The following CHST9 variants were observed in gnomAD, a reference collection of about 807,000 sequenced individuals.
The protein encoded by CHST9 is carbohydrate sulfotransferase 9.
Under a neutral mutation model 44.4 loss-of-function variants are expected in CHST9, and 41 were observed. The ratio of observed to expected loss-of-function variants is 0.92; its 90% CI spans 0.72 to 1.20. The LOEUF (loss-of-function observed/expected upper bound fraction) is 1.20, where lower values mean the gene tolerates loss of function less well. CHST9 is among the 50% of genes most tolerant of loss of function. CHST9 has a pLI of 0.00. For synonymous variants in CHST9, 171 were observed against 178.4 expected (o/e 0.96, Z 0.33); for missense variants, 504 against 516.5 (o/e 0.98, Z 0.23).
intron 4 of CHST9, among the ~76,000 whole-genome samples, chr18:26,988,112 T>C (rs2056775579): frequency 6.6e-6 from 1 of 151,884 alleles, no homozygotes; most frequent in African/African-American, 2.4e-5. Context: ...AAAAAATCGA[T>C]TAATCCAAAA....
intron 1 of CHST9, among the ~76,000 whole-genome samples, chr18:27,166,833 T>C (rs888463327): frequency 9.2e-5 from 14 of 152,194 alleles, no homozygotes; most frequent in African/African-American, 3.4e-4. Flanking sequence ...ATTTATTTAA[T>C]ATAAGTTTTA....
At chr18:27,063,845 A>T (rs1352465484) in intron 2 of CHST9, among the ~76,000 whole-genome samples, 1 of 141,616 alleles carries the variant, frequency 7.1e-6, no homozygotes, top group Non-Finnish European at 1.6e-5. Context: ...CAGTTGAGCC[A>T]GTTGTATTCA....
chr18:27,013,695 T>C (rs2057113003), intron 4 of CHST9, among the ~76,000 whole-genome samples: 1 of 152,234 alleles, frequency 6.6e-6, no homozygotes, highest in African/African-American at 2.4e-5. Flanking sequence ...CAGCAGGTGT[T>C]GTTTTGTATT....
chr18:27,011,073 G>T (rs1782890418), intron 4 of CHST9, among the ~76,000 whole-genome samples: 2 of 152,156 alleles, frequency 1.3e-5, no homozygotes, highest in Admixed American at 1.3e-4. Flanking sequence ...CCCTGGCATG[G>T]AGATTAACAA....
chr18:26,957,287 TTC>T (rs1225472577), intron 4 of CHST9, among the ~76,000 whole-genome samples: 3 of 152,206 alleles, frequency 2.0e-5, no homozygotes, highest in Non-Finnish European at 2.9e-5. Context: ...CTATACTTCA[TTC>T]TCTGTCAAAC....
In CHST9 at chr18:26,916,366, C is replaced by A; in HGVS notation, c.1225G>T (p.Val409Phe). Residue 409 changes from valine (V) to phenylalanine (F), a missense_variant, in exon 6 of 6, where the codon GTC becomes TTC. Transcript: ENST00000618847. ...AGATCCTTTAAATACTGTCTCACGA[C>A]TTGAGCATTGGTTCTTTCATCGGAA... ...HSSDERTNAQ[V>F]VRQYLKDLTR... 3 of 1,613,742 alleles carry A rather than the reference C, an allele frequency of 1.9e-6. No homozygotes were observed. Among genetic ancestry groups the A allele is most frequent in the Non-Finnish European group, 1.7e-6 (2 of 1,179,696 alleles).
intron 4 of CHST9, among the ~76,000 whole-genome samples, chr18:26,965,666 T>C (rs1240318368): frequency 6.6e-6 from 1 of 152,230 alleles, no homozygotes; most frequent in African/African-American, 2.4e-5. Context: ...ACTAAATGAA[T>C]AATGTGTGCC....
intron 4 of CHST9, among the ~76,000 whole-genome samples, chr18:27,002,215 T>C (rs917616334): frequency 1.3e-5 from 2 of 150,500 alleles, no homozygotes; most frequent in Non-Finnish European, 2.9e-5. Flanking sequence ...CCTGGAGGCC[T>C]GCACCATCCT....
At chr18:27,033,511 G>C (rs149660501) in intron 3 of CHST9, among the ~76,000 whole-genome samples, 29 of 152,232 alleles carry the variant, frequency 1.9e-4, no homozygotes, top group African/African-American at 7.0e-4. Flanking sequence ...AGCTACTTCT[G>C]ATAAAATGAT....
intron 2 of CHST9, among the ~76,000 whole-genome samples, chr18:27,103,995 A>G (rs971421867): frequency 3.9e-5 from 6 of 152,142 alleles, no homozygotes; most frequent in African/African-American, 1.4e-4. Context: ...ATTTTAATAA[A>G]CTCTAAATGC....
At chr18:27,141,884 G>A (rs1327727424) in intron 2 of CHST9, among the ~76,000 whole-genome samples, 3 of 151,980 alleles carry the variant, frequency 2.0e-5, no homozygotes, top group Non-Finnish European at 2.9e-5. Flanking sequence ...CACAAGATCT[G>A]TATGTATACA....
At chr18:27,169,568 AT>A (rs2058817755) in intron 1 of CHST9, among the ~76,000 whole-genome samples, 1 of 138,160 alleles carries the variant, frequency 7.2e-6, no homozygotes, top group African/African-American at 2.7e-5. Flanking sequence ...ATAGTACACT[AT>A]TTCCAAAATG....
chr18:27,161,891 T>C (rs1327630791), intron 1 of CHST9, among the ~76,000 whole-genome samples: 2 of 152,026 alleles, frequency 1.3e-5, no homozygotes, highest in Non-Finnish European at 2.9e-5. Context: ...TTGATCTTTG[T>C]TGGTTTAAAG....
At chr18:27,162,374 G>A (rs2058754547) in intron 1 of CHST9, among the ~76,000 whole-genome samples, 2 of 151,954 alleles carry the variant, frequency 1.3e-5, no homozygotes, top group South Asian at 4.2e-4. Context: ...ATGAAGCTTA[G>A]TTTGGCTGGA....
intron 3 of CHST9, among the ~76,000 whole-genome samples, chr18:27,047,388 T>TTGTGTG (rs55698484): frequency 0.036 from 5,197 of 145,586 alleles, 99 homozygotes; most frequent in Non-Finnish European, 0.049. Context: ...GCCTTCATAA[T>TTGTGTG]TGTGTGTGTG....
intron 2 of CHST9, among the ~76,000 whole-genome samples, chr18:27,118,865 T>C (rs2058351024): frequency 6.6e-6 from 1 of 152,218 alleles, no homozygotes; most frequent in Admixed American, 6.5e-5. Context: ...CGTATGCAAA[T>C]CAAAATCTCT....
At chr18:26,965,615 T>C (rs1455190822) in intron 4 of CHST9, among the ~76,000 whole-genome samples, 8 of 152,194 alleles carry the variant, frequency 5.3e-5, no homozygotes. Context: ...ATCAGAGAGA[T>C]GTGATAACAA....
At chr18:27,143,892 T>G (rs557977664) in intron 1 of CHST9, among the ~76,000 whole-genome samples, 1 of 152,274 alleles carries the variant, frequency 6.6e-6, no homozygotes, top group East Asian at 1.9e-4. Flanking sequence ...CAAACCACCA[T>G]GGCACATGTA....
chr18:26,972,701 C>T (rs996714544), intron 4 of CHST9, among the ~76,000 whole-genome samples: 1 of 152,146 alleles, frequency 6.6e-6, no homozygotes, highest in African/African-American at 2.4e-5. Flanking sequence ...TGGGAATGGA[C>T]TCTGGGAGGG....
Sources: allele counts gnomAD v4.1 joint callset (sites outside exome capture counted in the v4.1 genomes callset), GRCh38; gene constraint gnomAD v4.1.1; transcripts MANE v1.5; gene names NCBI Gene and HGNC (gene_info 2026-07-23, HGNC 2026-07-21).